The following TAOK3 variants were observed in gnomAD, a reference collection of about 807,000 sequenced individuals.
The protein encoded by TAOK3 is serine/threonine-protein kinase TAO3.
A neutral mutation model predicts 120.4 loss-of-function variants in TAOK3; 40 were observed. The observed-to-expected ratio is 0.33, with a 90% CI of 0.26 to 0.43. The LOEUF (loss-of-function observed/expected upper bound fraction) is 0.43. TAOK3 is among the 20% of genes least tolerant of loss of function. The pLI, the probability that TAOK3 is intolerant of heterozygous loss-of-function variation, is 1.00. For synonymous variants in TAOK3, 355 were observed against 387.5 expected (o/e 0.92, Z 0.99); for missense variants, 821 against 1,112.1 (o/e 0.74, Z 3.72).
intron 1 of TAOK3, among the ~76,000 whole-genome samples, chr12:118,304,598 A>G (rs2042984559): frequency 6.6e-6 from 1 of 152,206 alleles, no homozygotes; most frequent in Non-Finnish European, 1.5e-5. Flanking sequence ...CTTAAAAAAA[A>G]TGTAATCTGA....
chr12:118,361,978 T>C (rs991304963), intron 1 of TAOK3, among the ~76,000 whole-genome samples: 1 of 152,092 alleles, frequency 6.6e-6, no homozygotes, highest in Non-Finnish European at 1.5e-5. Flanking sequence ...TATACACTGA[T>C]GGTGCGAATG....
At chr12:118,235,770 G>GAAAA (rs1339872541) in intron 7 of TAOK3, 99 bp from the exon 8 acceptor site, 179 of 741,452 alleles carry the variant, frequency 2.4e-4, no homozygotes, top group Non-Finnish European at 3.3e-4. Flanking sequence ...TTATTTAAAC[G>GAAAA]AACAAACAAA....
chr12:118,198,386 C>CT (rs756808682), intron 13 of TAOK3: 2,047 of 120,966 alleles, frequency 0.017, 123 homozygotes, highest in East Asian at 0.056. Flanking sequence ...CTTTCTTCTT[C>CT]TTCTTTTTTT....
intron 7 of TAOK3, chr12:118,236,754 T>C (rs2040033037): frequency 1.3e-5 from 2 of 152,180 alleles, no homozygotes; most frequent in Admixed American, 6.5e-5. Flanking sequence ...TCTCTACTTA[T>C]CTTTAGTTAG....
At chr12:118,231,797 C>G (rs1355164291) in intron 9 of TAOK3, among the ~76,000 whole-genome samples, 3 of 151,896 alleles carry the variant, frequency 2.0e-5, no homozygotes, top group African/African-American at 7.3e-5. Flanking sequence ...GTGGTGCATG[C>G]CTGTAATCCC....
chr12:118,308,288 T>G (rs1227646813), intron 1 of TAOK3, among the ~76,000 whole-genome samples: 1 of 152,196 alleles, frequency 6.6e-6, no homozygotes, highest in Non-Finnish European at 1.5e-5. Flanking sequence ...GACCCTTTGT[T>G]TAGCATATCA....
intron 9 of TAOK3, among the ~76,000 whole-genome samples, chr12:118,222,403 C>T (rs998965025): frequency 2.0e-5 from 3 of 152,018 alleles, no homozygotes; most frequent in East Asian, 1.9e-4. Flanking sequence ...TGTGGTGGCA[C>T]GTGCCTGTAG....
At chr12:118,208,467 C>T (rs144200986) in intron 11 of TAOK3, among the ~76,000 whole-genome samples, 11 of 152,070 alleles carry the variant, frequency 7.2e-5, no homozygotes, top group African/African-American at 2.4e-4. Flanking sequence ...AAAGGAAATA[C>T]AAATGGCTTT....
chr12:118,279,415 TTTAA>T (rs1331120169), intron 1 of TAOK3, among the ~76,000 whole-genome samples: 1 of 152,106 alleles, frequency 6.6e-6, no homozygotes, highest in Non-Finnish European at 1.5e-5. Flanking sequence ...ACAGAAGCTC[TTTAA>T]TTCTCATTTG....
At chr12:118,156,903 C>G (rs556062562) in intron 19 of TAOK3, among the ~76,000 whole-genome samples, 6 of 152,150 alleles carry the variant, frequency 3.9e-5, no homozygotes, top group African/African-American at 1.2e-4. Flanking sequence ...CCAAGCCCAA[C>G]TGATTTTTGT....
chr12:118,255,585 G>T lies in TAOK3; in HGVS notation c.-18C>A. ...TTACGCATGATGGCCAGTAGAGCAGGCTCTGCTTTTTGATATCAGTTAGCT... is the reference window on the plus strand; with the variant it reads ...TTACGCATGATGGCCAGTAGAGCAGTCTCTGCTTTTTGATATCAGTTAGCT... On this transcript the variant is annotated 5_prime_UTR_variant, in exon 3 of 21. Coordinates refer to ENST00000392533, the MANE Select transcript of TAOK3 (RefSeq NM_016281.4). The T allele has an allele frequency of 1.9e-6, 3 of 1,584,390 alleles. No individual in the cohort carries two copies. Among genetic ancestry groups the T allele is most frequent in the Non-Finnish European group, 2.6e-6 (3 of 1,166,866 alleles).
intron 3 of TAOK3, chr12:118,246,222 G>C: frequency 6.8e-7 from 1 of 1,463,176 alleles, no homozygotes. Context: ...CCGGGGCCGA[G>C]GCCGCGGAGC....
intron 13 of TAOK3, among the ~76,000 whole-genome samples, chr12:118,194,658 G>A (rs1477099306): frequency 2.1e-5 from 2 of 96,036 alleles, no homozygotes; most frequent in Non-Finnish European, 4.3e-5. Context: ...GGTGAAAGCT[G>A]TTCTTTTTTT....
At chr12:118,235,472 G>C in intron 8 of TAOK3, 86 bp downstream of exon 8, 6 of 1,033,428 alleles carry the variant, frequency 5.8e-6, no homozygotes, top group Non-Finnish European at 8.9e-6. Flanking sequence ...GTAAGACACT[G>C]TCACAAAACC....
At chr12:118,177,352 G>T in intron 15 of TAOK3, 23 bp from the exon 16 acceptor site, 1 of 1,610,968 alleles carries the variant, frequency 6.2e-7, no homozygotes. Context: ...CAAATACAAT[G>T]TAGGATGAAT....
intron 9 of TAOK3, among the ~76,000 whole-genome samples, chr12:118,220,532 C>A (rs1297111682): frequency 6.7e-6 from 1 of 150,198 alleles, no homozygotes; most frequent in African/African-American, 2.5e-5. Context: ...CACTTACTGG[C>A]AAAAGGTTAA....
intron 9 of TAOK3, among the ~76,000 whole-genome samples, chr12:118,218,391 C>G (rs371571401): frequency 1.5e-4 from 23 of 152,156 alleles, no homozygotes; most frequent in East Asian, 1.2e-3. Flanking sequence ...CCCGTTCCCC[C>G]CTGCATATAC....
intron 3 of TAOK3, among the ~76,000 whole-genome samples, chr12:118,254,548 T>C (rs920263691): frequency 2.6e-5 from 4 of 152,104 alleles, no homozygotes; most frequent in African/African-American, 9.7e-5. Context: ...TATGAAATCA[T>C]AAAGTATTGA....
chr12:118,161,962 G>T lies in TAOK3; in HGVS notation c.1965C>A (p.Ser655=), dbSNP rs1289394202. 6.2e-6 allele frequency: 10 copies of T among 1,613,958 alleles called. No individual in the cohort carries two copies. Among genetic ancestry groups the T allele is most frequent in the African/African-American group, 1.3e-5 (1 of 74,892 alleles). ...GCTGCCTGTACTCTAGCTCTCGGGT[G>T]GACTCGTCGTGCCGGATTAGCATGG... ...EHAMLIRHDE[S]TRELEYRQLH... The change falls in exon 18 of 21, where the codon TCC becomes TCA. Residue 655 remains serine (S), a synonymous_variant. Coordinates refer to ENST00000392533, the MANE Select transcript of TAOK3 (RefSeq NM_016281.4). This position sits in a 1 kb window ranked among gnomAD's most constrained non-coding sequence, Gnocchi z 4.5.
Sources: gnomAD v4.1 joint callset for allele counts (sites outside exome capture counted in the v4.1 genomes callset) on GRCh38, gnomAD v4.1.1 for gene constraint, Gnocchi (gnomAD v3.1) non-coding constraint, MANE v1.5 for transcripts, NCBI Gene and HGNC (gene_info 2026-07-23, HGNC 2026-07-21) for gene names.